The following PRKCA variants were observed in gnomAD, a reference collection of about 807,000 sequenced individuals.
The protein encoded by PRKCA is protein kinase C alpha type.
In PRKCA, 27 loss-of-function variants were observed where a neutral mutation model predicts 87.0. The ratio of observed to expected loss-of-function variants is 0.31; its 90% CI spans 0.23 to 0.43. The LOEUF (loss-of-function observed/expected upper bound fraction) is 0.43, where lower values mean the gene tolerates loss of function less well. Ranked by LOEUF, PRKCA falls within the 20% of genes least tolerant of loss-of-function variation. The probability of loss-of-function intolerance (pLI) is 1.00; values close to 1 mark genes in which losing one functional copy is unlikely to be tolerated. For missense variants in PRKCA, 518 were observed against 852.3 expected (o/e 0.61, Z 4.88); for synonymous variants, 329 against 311.1 (o/e 1.06, Z -0.61).
At chr17:66,316,934 A>G (rs1456978610) in intron 2 of PRKCA, among the ~76,000 whole-genome samples, 1 of 152,150 alleles carries the variant, frequency 6.6e-6, no homozygotes, top group Non-Finnish European at 1.5e-5. Context: ...TGAGGTCAGG[A>G]GATCGAGACC....
At chr17:66,751,620 C>T (rs1456984037) in intron 13 of PRKCA, among the ~76,000 whole-genome samples, 3 of 152,190 alleles carry the variant, frequency 2.0e-5, no homozygotes, top group Non-Finnish European at 4.4e-5. Context: ...TAACATTTTG[C>T]ACAGCTTCTC....
At chr17:66,397,607 C>T (rs968471838) in intron 2 of PRKCA, among the ~76,000 whole-genome samples, 9 of 151,934 alleles carry the variant, frequency 5.9e-5, no homozygotes, top group African/African-American at 1.5e-4. Flanking sequence ...GGTGGTTTGT[C>T]GTTGCCCTTT....
chr17:66,456,742 C>T (rs1280930098), intron 2 of PRKCA, among the ~76,000 whole-genome samples: 1 of 152,184 alleles, frequency 6.6e-6, no homozygotes, highest in East Asian at 1.9e-4. Flanking sequence ...ACTGGCTTCC[C>T]AGATGGTGTC....
chr17:66,382,965 G>A (rs1909846108), intron 2 of PRKCA, among the ~76,000 whole-genome samples: 1 of 152,116 alleles, frequency 6.6e-6, no homozygotes, highest in African/African-American at 2.4e-5. Flanking sequence ...CGTTATGATG[G>A]TGTATTTTCT....
chr17:66,444,497 A>G (rs1313445565), intron 2 of PRKCA, among the ~76,000 whole-genome samples: 1 of 152,194 alleles, frequency 6.6e-6, no homozygotes, highest in Admixed American at 6.5e-5. Flanking sequence ...TCTCAGAGCT[A>G]GGCTGCTTAA....
chr17:66,329,884 C>T (rs949694576), intron 2 of PRKCA, among the ~76,000 whole-genome samples: 2 of 152,124 alleles, frequency 1.3e-5, no homozygotes, highest in South Asian at 2.1e-4. Flanking sequence ...ATCGAAATGT[C>T]GATCTTTTTT....
chr17:66,475,548 C>T (rs1477033933), intron 2 of PRKCA, among the ~76,000 whole-genome samples: 1 of 152,112 alleles, frequency 6.6e-6, no homozygotes, highest in Non-Finnish European at 1.5e-5. Context: ...CTGTCTTTCC[C>T]AGCTTCCCAT....
At chr17:66,487,293 T>A (rs552713567) in intron 2 of PRKCA, among the ~76,000 whole-genome samples, 16 of 152,352 alleles carry the variant, frequency 1.1e-4, no homozygotes, top group African/African-American at 3.8e-4. Context: ...TGTGCCTGGC[T>A]TATGTCATGT....
intron 3 of PRKCA, among the ~76,000 whole-genome samples, chr17:66,565,852 G>C (rs1317327179): frequency 6.6e-6 from 1 of 152,014 alleles, no homozygotes; most frequent in Non-Finnish European, 1.5e-5. Context: ...TACCCACTAT[G>C]TATATTCATT....
intron 3 of PRKCA, among the ~76,000 whole-genome samples, chr17:66,593,528 G>A (rs1969880053): frequency 6.6e-6 from 1 of 152,226 alleles, no homozygotes; most frequent in African/African-American, 2.4e-5. Flanking sequence ...GTCCCCAGCT[G>A]GAGGCCACAT....
chr17:66,494,544 A>G (rs925850032), intron 2 of PRKCA, among the ~76,000 whole-genome samples: 1 of 152,210 alleles, frequency 6.6e-6, no homozygotes, highest in African/African-American at 2.4e-5. Flanking sequence ...TGACCCCCCA[A>G]GGGTCCCATC....
At chr17:66,308,887 GT>G (rs56755841) in intron 2 of PRKCA, among the ~76,000 whole-genome samples, 56,754 of 149,698 alleles carry the variant, frequency 0.38, 10,874 homozygotes, top group East Asian at 0.57. Context: ...CTCTAATTTT[GT>G]TTTTTTTTTC....
chr17:66,437,752 G>A (rs1177922703), intron 2 of PRKCA, among the ~76,000 whole-genome samples: 2 of 137,692 alleles, frequency 1.5e-5, no homozygotes, highest in Non-Finnish European at 3.2e-5. Context: ...TGGGTGGGGC[G>A]GGGGCGGCTT....
chr17:66,695,991 G>T lies in PRKCA; in HGVS notation c.918+6944G>T, dbSNP rs189516155. 2.4e-3 allele frequency among the ~76,000 whole-genome samples: 371 copies of T among 152,300 alleles called. 2 individuals are homozygous for T. Among genetic ancestry groups the T allele is most frequent in the African/African-American group, 8.3e-3 (343 of 41,558 alleles). On this transcript the variant is annotated intron_variant, in intron 8 of 16. Transcript: ENST00000413366. ...GTTCTTATAAAGAGAGAAATTTATA[G>T]CCAAGTGTGAAAAATGAAGTGCAGT...
chr17:66,596,592 T>A (rs1555624579), intron 3 of PRKCA, among the ~76,000 whole-genome samples: 10,740 of 126,286 alleles, frequency 0.085, 550 homozygotes, highest in South Asian at 0.21. Context: ...TTTTTTTTTT[T>A]ATTATACTCT....
intron 14 of PRKCA, among the ~76,000 whole-genome samples, chr17:66,780,408 G>T (rs1598937600): frequency 1.3e-5 from 2 of 152,138 alleles, no homozygotes; most frequent in South Asian, 4.2e-4. Context: ...TGGGTACGGT[G>T]GTTCACACCT....
Position 66,688,263 on chromosome 17 carries a change from C to A in PRKCA, c.687-39C>A, listed in dbSNP as rs567570669. The stretch of plus-strand genomic sequence containing the variant: ...GTGGTATCTCCCAAGAAACCATGAT[C>A]AAGATAACCTAGTGTTTGCATGTGT... On this transcript the variant is annotated intron_variant, in intron 6 of 16. Transcript: ENST00000413366. The A allele has an allele frequency of 1.3e-5, 21 of 1,606,744 alleles. No homozygotes were observed. The Admixed American group carries it at 2.0e-4, about 15-fold the overall frequency.
At position 66,331,002 on chromosome 17, in the gene PRKCA, C is replaced by G. The variant is rs568282726; in HGVS notation, c.205+24875C>G. ...TCTATACTTTTAATCTCTGGAGCAA[C>G]TCCATAAATTAACAAGGGGTTGTGT... On this transcript the variant is annotated intron_variant, in intron 2 of 16. Transcript: ENST00000413366. Among the ~76,000 whole-genome samples the G allele has an allele frequency of 3.9e-5, 6 of 152,316 alleles. No homozygotes were observed. The South Asian group carries it at 1.2e-3, about 32-fold the overall frequency.
At chr17:66,326,089 G>A (rs1202034028) in intron 2 of PRKCA, among the ~76,000 whole-genome samples, 1 of 152,138 alleles carries the variant, frequency 6.6e-6, no homozygotes, top group East Asian at 1.9e-4. Flanking sequence ...GGCACTTTAT[G>A]TAGATATCTT....
Sources: allele counts gnomAD v4.1 joint callset (sites outside exome capture counted in the v4.1 genomes callset), GRCh38; gene constraint gnomAD v4.1.1; transcripts MANE v1.5; gene names NCBI Gene and HGNC (gene_info 2026-07-23, HGNC 2026-07-21).